APPBP2: variants seen among roughly 807,000 people sequenced by gnomAD.
APPBP2 encodes amyloid beta precursor protein binding protein 2, also known as amyloid protein-binding protein 2.
In APPBP2, 15 loss-of-function variants were observed where a neutral mutation model predicts 76.0. That is an observed-to-expected ratio of 0.20 (90% CI 0.13 to 0.30). The LOEUF (loss-of-function observed/expected upper bound fraction) is 0.30, where lower values mean the gene tolerates loss of function less well. Among genes scored for constraint, APPBP2 ranks in the 10% least tolerant of loss-of-function variants. The pLI is 1.00. For synonymous variants in APPBP2, 222 were observed against 242.2 expected, an observed-to-expected ratio of 0.92 and a Z score of 0.77; for missense variants, 401 against 687.2, an observed-to-expected ratio of 0.58 and a Z score of 4.66.
chr17:60,523,807 TCTA>T (rs1282249536), intron 1 of APPBP2, among the ~76,000 whole-genome samples: 1 of 152,254 alleles, frequency 6.6e-6, no homozygotes, highest in Non-Finnish European at 1.5e-5. Flanking sequence ...ATTAAAATAA[TCTA>T]CTATCTTAAG....
intron 4 of APPBP2, among the ~76,000 whole-genome samples, chr17:60,470,386 C>G (rs1418273949): frequency 6.6e-6 from 1 of 151,748 alleles, no homozygotes; most frequent in Non-Finnish European, 1.5e-5. Flanking sequence ...CAGCCTCCTA[C>G]GTAGCTGAGA....
intron 1 of APPBP2, chr17:60,513,677 C>T (rs545904969): frequency 1.1e-5 from 2 of 179,920 alleles, no homozygotes; most frequent in Admixed American, 6.3e-5. Context: ...GCCTGGCTAA[C>T]ATGGTGAAAC....
At chr17:60,501,673 T>A (rs2090824838) in intron 1 of APPBP2, among the ~76,000 whole-genome samples, 1 of 152,166 alleles carries the variant, frequency 6.6e-6, no homozygotes, top group Admixed American at 6.5e-5. Context: ...ATATAAATAA[T>A]ACAGTGCCTT....
rs1198977556 is a variant in APPBP2 at position 60,444,638 on chromosome 17, G to GT, written c.*2942dup. 2 of 152,082 alleles carry GT rather than the reference G, an allele frequency of 1.3e-5. No homozygotes were observed. Among genetic ancestry groups the GT allele is most frequent in the East Asian group, 3.9e-4 (2 of 5,182 alleles). The allele number at this position is 152,082 out of a possible 1,614,324, so 9.4% of individuals were successfully genotyped here. ...AAGCAGAGACAGAGATTTGATGGTA[G>GT]TAAGGGTCTCAATCCCTTTGGCAAA... On this transcript the variant is annotated 3_prime_UTR_variant, in exon 13 of 13. Transcript: ENST00000083182.
chr17:60,492,027 A>T (rs1328695383), intron 3 of APPBP2, among the ~76,000 whole-genome samples: 1 of 152,182 alleles, frequency 6.6e-6, no homozygotes, highest in East Asian at 1.9e-4. Flanking sequence ...TGCTGTGTGC[A>T]GACTAGGGAC....
At chr17:60,460,879 C>T (rs2090471333) in intron 8 of APPBP2, 92 bp from the exon 9 acceptor site, 11 of 1,265,066 alleles carry the variant, frequency 8.7e-6, no homozygotes, top group Admixed American at 8.1e-5. Flanking sequence ...TATCTATATG[C>T]CTAACACCAT....
In APPBP2 at chr17:60,455,119, AAAAAG is replaced by A. The variant is rs1248433242; in HGVS notation, c.1148-632_1148-628del. Among the ~76,000 whole-genome samples the A allele has an allele frequency of 3.3e-5, 5 of 152,216 alleles. No homozygotes were observed. The East Asian group carries it at 5.8e-4, about 18-fold the overall frequency. On this transcript the variant is annotated intron_variant, in intron 10 of 12. Transcript: ENST00000083182. ...GATTTACTTCACTGTAGCATTTTTT[AAAAAG>A]AAAAGGTTAAAAATAATTATAAGAG...
At chr17:60,454,518 G>A in intron 10 of APPBP2, 26 bp from the exon 11 acceptor site, 2 of 1,508,078 alleles carry the variant, frequency 1.3e-6, no homozygotes, top group Non-Finnish European at 1.8e-6. Context: ...ATAAATTAGT[G>A]TACTTCAAAA....
intron 1 of APPBP2, among the ~76,000 whole-genome samples, chr17:60,524,835 G>A (rs2091038735): frequency 6.6e-6 from 1 of 152,162 alleles, no homozygotes; most frequent in Non-Finnish European, 1.5e-5. Context: ...GTGGCTACTG[G>A]ACACTAGGAG....
At chr17:60,483,000 C>T (rs1434529910) in intron 3 of APPBP2, among the ~76,000 whole-genome samples, 4 of 152,154 alleles carry the variant, frequency 2.6e-5, no homozygotes, top group Admixed American at 6.5e-5. Flanking sequence ...CTTGAGGAAT[C>T]GCCACACTGT....
Position 60,526,040 on chromosome 17 carries a change from G to T in APPBP2, c.-109C>A. 8.7e-7 allele frequency: 1 copy of T among 1,145,754 alleles called. No individual in the cohort carries two copies. The highest frequency in any genetic ancestry group is 1.2e-6 in the Non-Finnish European group (1 of 822,954). 71.0% of individuals were successfully genotyped at this position (1,145,754 alleles called of 1,614,324 possible). A position where few individuals can be genotyped will look rare whatever the true frequency, so the allele number is the denominator to read the frequency against. Reference sequence around the variant, plus strand: ...CGGAGGATTCGGAGGGGCGGTGGCAGCCACGCGGGCGCACGGCAGAAGGCA... The same window carrying T: ...CGGAGGATTCGGAGGGGCGGTGGCATCCACGCGGGCGCACGGCAGAAGGCA... On this transcript the variant is annotated 5_prime_UTR_variant, in exon 1 of 13. It adds an upstream start codon to the 5' untranslated region. Coordinates refer to ENST00000083182, the MANE Select transcript of APPBP2 (RefSeq NM_006380.5).
chr17:60,504,278 T>C (rs910704999), intron 1 of APPBP2, among the ~76,000 whole-genome samples: 1 of 152,076 alleles, frequency 6.6e-6, no homozygotes, highest in African/African-American at 2.4e-5. Context: ...CCACCAGATA[T>C]AAAAACAGAT....
rs912211585 is a variant in APPBP2 at position 60,444,723 on chromosome 17, G to A, written c.*2858C>T. ...AAAATTCCAATTGACTCTATTAAAT[G>A]GAATGCAGGCATGAGTGGCCACCTG... On this transcript the variant is annotated 3_prime_UTR_variant, in exon 13 of 13. Transcript: ENST00000083182. 6 of 152,478 alleles carry A rather than the reference G, an allele frequency of 3.9e-5. No homozygotes were observed. Among genetic ancestry groups the A allele is most frequent in the African/African-American group, 1.4e-4 (6 of 41,394 alleles). The allele number at this position is 152,478 out of a possible 1,614,324, so 9.4% of individuals were successfully genotyped here.
intron 4 of APPBP2, among the ~76,000 whole-genome samples, chr17:60,468,718 C>A (rs1458991253): frequency 6.6e-6 from 1 of 152,144 alleles, no homozygotes; most frequent in Non-Finnish European, 1.5e-5. Context: ...ACTTGTGGTC[C>A]AACTTATTAT....
rs765787063 is a variant in APPBP2 at position 60,479,173 on chromosome 17, A to G, written c.478T>C (p.Phe160Leu). 6.2e-7 allele frequency: 1 copy of G among 1,613,510 alleles called. No homozygotes were observed. The highest frequency in any genetic ancestry group is 1.7e-5 in the Admixed American group (1 of 59,860). The part of the protein sequence containing the change: ...CTLHDEMLHW[F>L]RAVECCVRLL... ...CTCACACAACATTCTACTGCACGAA[A>G]CCAATGAAGCATCTCATCGTGTAGA... The change falls in exon 4 of 13, where the codon TTT becomes CTT. Residue 160 changes from phenylalanine to leucine, a missense_variant. This residue lies in a region of APPBP2 where 149 missense variants were observed against 198.4 expected (regional missense o/e 0.75). Transcript: ENST00000083182.
At chr17:60,460,172 G>C (rs910179259) in intron 9 of APPBP2, 1 of 152,394 alleles carries the variant, frequency 6.6e-6, no homozygotes, top group African/African-American at 2.4e-5. Flanking sequence ...TCACATAAAG[G>C]CTAAATGAAT....
chr17:60,457,934 T>A (rs1040755267), intron 9 of APPBP2, among the ~76,000 whole-genome samples: 2 of 152,218 alleles, frequency 1.3e-5, no homozygotes, highest in Non-Finnish European at 2.9e-5. Flanking sequence ...AAGAAACCTA[T>A]GCCCATTAGC....
At chr17:60,519,301 C>T (rs960711788) in intron 1 of APPBP2, among the ~76,000 whole-genome samples, 3 of 152,086 alleles carry the variant, frequency 2.0e-5, no homozygotes, top group Non-Finnish European at 4.4e-5. Context: ...ATGATTTGTA[C>T]ATTACCTTAA....
At position 60,479,267 on chromosome 17, in the gene APPBP2, G is replaced by C; in HGVS notation, c.384C>G (p.Gly128=). ...TGTACCAGCCTGCATCTGAAAGAAA[G>C]CCACCTAAAAAAATAAGAAACACCA... ...KAIQVGFVLG[G]FLSDAGWYSD... is the part of the protein sequence containing the mutation. The change falls in exon 4 of 13, where the codon GGC becomes GGG. Residue 128 remains glycine (G), a synonymous_variant. Coordinates refer to ENST00000083182, the MANE Select transcript of APPBP2 (RefSeq NM_006380.5). The C allele has an allele frequency of 6.3e-7, 1 of 1,589,880 alleles. No individual in the cohort carries two copies. The highest frequency in any genetic ancestry group is 8.5e-7 in the Non-Finnish European group (1 of 1,173,882).
Sources: gnomAD v4.1 joint callset for allele counts (sites outside exome capture counted in the v4.1 genomes callset) on GRCh38, gnomAD v4.1.1 for gene constraint, gnomAD v4.1.1 regional missense constraint, MANE v1.5 for transcripts, NCBI Gene and HGNC (gene_info 2026-07-23, HGNC 2026-07-21) for gene names.